The following TBC1D1 variants were observed in gnomAD, a reference collection of about 807,000 sequenced individuals.
TBC1D1 encodes the protein TBC1 (tre-2/USP6, BUB2, cdc16) domain family, member 1.
TBC1D1 carries 89 observed loss-of-function variants against 125.6 expected under a neutral mutation model. The observed-to-expected ratio is 0.71, with a 90% CI of 0.60 to 0.85. TBC1D1 has a LOEUF of 0.85. Ranked by LOEUF, TBC1D1 falls within the 40% of genes least tolerant of loss-of-function variation. The probability of loss-of-function intolerance (pLI) is 0.00; values close to 1 mark genes in which losing one functional copy is unlikely to be tolerated. For missense variants in TBC1D1, 1,377 were observed against 1,469.2 expected (o/e 0.94, Z 1.03); for synonymous variants, 565 against 564.1 (o/e 1.00, Z -0.02).
At chr4:38,102,361 A>G (rs1256176647) in intron 14 of TBC1D1, among the ~76,000 whole-genome samples, 1 of 152,026 alleles carries the variant, frequency 6.6e-6, no homozygotes, top group South Asian at 2.1e-4. Context: ...ACTTGGCTTT[A>G]TTTCCCTAGA....
chr4:38,111,948 G>A, intron 15 of TBC1D1: 2 of 985,470 alleles, frequency 2.0e-6, no homozygotes, highest in Non-Finnish European at 2.4e-6. Context: ...CTGTCTTGCT[G>A]TGCAGTGGGA....
chr4:38,120,896 C>G (rs1215882006), intron 17 of TBC1D1, among the ~76,000 whole-genome samples: 1 of 152,148 alleles, frequency 6.6e-6, no homozygotes, highest in Non-Finnish European at 1.5e-5. Flanking sequence ...CTGCAGTGTT[C>G]AGCCTCTGAT....
chr4:38,007,861 G>GCCTTC (rs1234104262), intron 2 of TBC1D1, among the ~76,000 whole-genome samples: 1 of 152,184 alleles, frequency 6.6e-6, no homozygotes, highest in Non-Finnish European at 1.5e-5. Flanking sequence ...TGCGGAGGAG[G>GCCTTC]CCTTCCTATG....
chr4:38,126,970 T>C (rs530257289), intron 18 of TBC1D1, among the ~76,000 whole-genome samples: 5 of 152,188 alleles, frequency 3.3e-5, no homozygotes, highest in Non-Finnish European at 5.9e-5. Flanking sequence ...CTTTGATTTC[T>C]GGCATTTTCA....
intron 8 of TBC1D1, among the ~76,000 whole-genome samples, chr4:38,038,112 AATGGGG>A (rs1747576137): frequency 6.6e-6 from 1 of 152,184 alleles, no homozygotes; most frequent in Non-Finnish European, 1.5e-5. Flanking sequence ...TAGATGAGGA[AATGGGG>A]AAGAGCAGTC....
chr4:38,000,733 T>TC (rs1738886290), intron 2 of TBC1D1, among the ~76,000 whole-genome samples: 1 of 152,194 alleles, frequency 6.6e-6, no homozygotes, highest in Admixed American at 6.5e-5. Context: ...ATCAGTTAAA[T>TC]TCTGACACTA....
At chr4:38,054,390 C>G (rs1396535512) in intron 12 of TBC1D1, 52 bp downstream of exon 14, 1 of 1,606,218 alleles carries the variant, frequency 6.2e-7, no homozygotes. Context: ...TGACAGAGGA[C>G]CCTGGGAGCC....
intron 2 of TBC1D1, among the ~76,000 whole-genome samples, chr4:37,913,736 A>AT (rs34409078): frequency 0.019 from 2,594 of 138,626 alleles, 79 homozygotes; most frequent in African/African-American, 0.064. Context: ...TACTGGCCCA[A>AT]TTTTTTTTTT....
chr4:37,941,374 CT>C (rs1169388754), intron 2 of TBC1D1, among the ~76,000 whole-genome samples: 1 of 151,952 alleles, frequency 6.6e-6, no homozygotes, highest in Non-Finnish European at 1.5e-5. Context: ...GTGATATCCC[CT>C]CTATCATTTT....
intron 2 of TBC1D1, among the ~76,000 whole-genome samples, chr4:38,013,761 C>G: frequency 6.6e-6 from 1 of 152,168 alleles, no homozygotes; most frequent in African/African-American, 2.4e-5. Flanking sequence ...TTCTTTTAAT[C>G]ATGATTTTCA....
At chr4:38,036,146 A>G (rs533254230) in intron 8 of TBC1D1, among the ~76,000 whole-genome samples, 14 of 152,316 alleles carry the variant, frequency 9.2e-5, no homozygotes, top group African/African-American at 3.4e-4. Flanking sequence ...AGCCTGACTT[A>G]TGTGCTATTC....
intron 2 of TBC1D1, among the ~76,000 whole-genome samples, chr4:37,949,775 T>C (rs1029038881): frequency 2.0e-5 from 3 of 152,202 alleles, no homozygotes; most frequent in African/African-American, 7.2e-5. Flanking sequence ...ACTCTGCCAT[T>C]TTAGCATGAA....
At chr4:37,896,691 G>A (rs138961239) in intron 1 of TBC1D1, among the ~76,000 whole-genome samples, 26 of 151,308 alleles carry the variant, frequency 1.7e-4, no homozygotes, top group Non-Finnish European at 2.9e-5. Flanking sequence ...CACTTGGATG[G>A]GAGTCAGGGA....
intron 2 of TBC1D1, among the ~76,000 whole-genome samples, chr4:37,947,943 A>G (rs967981057): frequency 6.6e-6 from 1 of 152,218 alleles, no homozygotes; most frequent in African/African-American, 2.4e-5. Flanking sequence ...AGGGCCTGCT[A>G]GATGGTAAGT....
At chr4:38,108,553 G>C (rs193100087) in intron 15 of TBC1D1, among the ~76,000 whole-genome samples, 3 of 152,290 alleles carry the variant, frequency 2.0e-5, no homozygotes, top group Admixed American at 2.0e-4. Flanking sequence ...GCCATTTTTT[G>C]ATGGGCTTCT....
At chr4:37,993,138 G>A (rs1247033395) in intron 2 of TBC1D1, among the ~76,000 whole-genome samples, 1 of 152,096 alleles carries the variant, frequency 6.6e-6, no homozygotes, top group East Asian at 1.9e-4. Context: ...GGAAATGTTA[G>A]CGAAGTTTAG....
chr4:38,022,798 C>G (rs1744318589), intron 6 of TBC1D1, among the ~76,000 whole-genome samples: 1 of 152,118 alleles, frequency 6.6e-6, no homozygotes, highest in East Asian at 1.9e-4. Flanking sequence ...GTTTTCACCA[C>G]TCTGTTCTTG....
intron 2 of TBC1D1, among the ~76,000 whole-genome samples, chr4:37,936,414 T>G (rs574426483): frequency 3.9e-5 from 6 of 152,318 alleles, no homozygotes; most frequent in Admixed American, 1.3e-4. Context: ...GCAACATAAA[T>G]GTCTGCTGTC....
intron 2 of TBC1D1, among the ~76,000 whole-genome samples, chr4:37,931,030 T>C (rs1723142256): frequency 1.3e-5 from 2 of 152,230 alleles, no homozygotes; most frequent in South Asian, 4.1e-4. Context: ...TTACCATCTC[T>C]TGCATGTCTC....
Sources: gnomAD v4.1 joint callset for allele counts (sites outside exome capture counted in the v4.1 genomes callset) on GRCh38, gnomAD v4.1.1 for gene constraint, MANE v1.5 for transcripts, NCBI Gene and HGNC (gene_info 2026-07-23, HGNC 2026-07-21) for gene names.